HELZ: variants seen among roughly 807,000 people sequenced by gnomAD.
HELZ encodes the protein helicase with zinc finger, also known as ATP-dependent RNA helicase with zinc finger domain.
A neutral mutation model predicts 218.2 loss-of-function variants in HELZ; 23 were observed. The ratio of observed to expected loss-of-function variants is 0.11; its 90% CI spans 0.08 to 0.15. The LOEUF is 0.15. Ranked by LOEUF, HELZ falls within the 10% of genes least tolerant of loss-of-function variation. The pLI is 1.00. For synonymous variants in HELZ, 814 were observed against 829.4 expected (o/e 0.98, Z 0.32); for missense variants, 1,813 against 2,353.7 (o/e 0.77, Z 4.75).
At chr17:67,204,329 C>T (rs2040242287) in intron 5 of HELZ, among the ~76,000 whole-genome samples, 1 of 152,110 alleles carries the variant, frequency 6.6e-6, no homozygotes. Flanking sequence ...TAAAATTCTA[C>T]ATAAGAGTTC....
At chr17:67,235,885 C>CG (rs1469762495) in intron 3 of HELZ, among the ~76,000 whole-genome samples, 1 of 151,744 alleles carries the variant, frequency 6.6e-6, no homozygotes, top group African/African-American at 2.4e-5. Flanking sequence ...CTCAGACTCC[C>CG]GAGTAGCTGG....
intron 3 of HELZ, chr17:67,225,075 TGAG>T (rs2040854640): frequency 1.8e-6 from 1 of 546,476 alleles, no homozygotes; most frequent in Non-Finnish European, 3.3e-6. Context: ...AATAAAATCT[TGAG>T]TTTATGTTTA....
In HELZ at chr17:67,203,404, C is replaced by T. The variant is rs1028609596; in HGVS notation, c.287G>A (p.Arg96Gln). ...CAGCTGCATGCAGCAAAGCACTGCCCGAAAGGCATCTTCTCCCTTGGCCAG... is the reference window on the plus strand; with the variant it reads ...CAGCTGCATGCAGCAAAGCACTGCCTGAAAGGCATCTTCTCCCTTGGCCAG... ...EGLAKGEDAF[R>Q]AVLCCMQLKG... is the part of the protein sequence containing the mutation. The change falls in exon 6 of 33, where the codon CGG becomes CAG. Residue 96 changes from arginine (R) to glutamine (Q), a missense_variant. By Grantham distance (43) the Arg-to-Gln change is conservative (BLOSUM62 1). Transcript: ENST00000358691. 18 of 1,614,008 alleles carry T rather than the reference C, an allele frequency of 1.1e-5. No individual in the cohort carries two copies. Among genetic ancestry groups the T allele is most frequent in the African/African-American group, 1.3e-5 (1 of 74,914 alleles).
At chr17:67,166,725 A>C in intron 14 of HELZ, 117 bp from the exon 15 acceptor site, 3 of 775,504 alleles carry the variant, frequency 3.9e-6, no homozygotes, top group Non-Finnish European at 6.3e-6. Context: ...GATTCTTTTA[A>C]AGTATAATCA....
intron 5 of HELZ, among the ~76,000 whole-genome samples, chr17:67,214,529 G>A (rs1218886398): frequency 6.6e-6 from 1 of 150,922 alleles, no homozygotes; most frequent in Non-Finnish European, 1.5e-5. Context: ...GCCTCCCCAA[G>A]TGCTGGGATT....
rs746040938 is a variant in HELZ at position 67,086,877 on chromosome 17, T to C, written c.5446A>G (p.Ile1816Val). The change falls in exon 32 of 33, where the codon ATT becomes GTT. Residue 1816 changes from isoleucine to valine, a missense_variant. Transcript: ENST00000358691. ...GTCCTGCTGGATCCATTGCACGGAA[T>C]GTTCTGATAAGGAGTAGATGAGGTG... ...NTTSSTPYQN[I>V]PCNGSSRTAQ... 2 of 1,613,628 alleles carry C rather than the reference T, an allele frequency of 1.2e-6. No individual in the cohort carries two copies. Among genetic ancestry groups the C allele is most frequent in the Admixed American group, 1.7e-5 (1 of 59,942 alleles).
chr17:67,079,944 C>A (rs1359793339), intron 32 of HELZ, among the ~76,000 whole-genome samples: 1 of 152,092 alleles, frequency 6.6e-6, no homozygotes, highest in Admixed American at 6.5e-5. Flanking sequence ...TCATATGTTG[C>A]AAATATTTTT....
In HELZ at chr17:67,151,086, C is replaced by A. The variant is rs79989726; in HGVS notation, c.2316G>T (p.Leu772Phe). 1 of 1,613,918 alleles carries A rather than the reference C, an allele frequency of 6.2e-7. No individual in the cohort carries two copies. Among genetic ancestry groups the A allele is most frequent in the Non-Finnish European group, 8.5e-7 (1 of 1,179,882 alleles). The change falls in exon 18 of 33, where the codon TTG becomes TTT. Residue 772 changes from leucine to phenylalanine, a missense_variant. Around this residue, in one of 4 missense-constraint regions of HELZ, gnomAD observed 714 missense variants for 1,029.2 expected, o/e 0.69. Coordinates refer to ENST00000358691, the MANE Select transcript of HELZ (RefSeq NM_014877.4). ...ILKHRVVVVT[L>F]NTSQYLCQLD... ...ACTGACAGAGGTACTGGGAAGTATT[C>A]AAGGTAACAACCACCACTCGATGTT...
intron 32 of HELZ, among the ~76,000 whole-genome samples, chr17:67,085,483 G>C (rs2036340282): frequency 6.6e-6 from 1 of 151,868 alleles, no homozygotes; most frequent in Non-Finnish European, 1.5e-5. Flanking sequence ...CTCCTAAAAG[G>C]TACCAAAGAA....
rs7211384 is a variant in HELZ at position 67,132,410 on chromosome 17, G to A, written c.3183-3555C>T. Among the ~76,000 whole-genome samples the A allele has an allele frequency of 3.3e-5, 5 of 152,142 alleles. No individual in the cohort carries two copies. In the South Asian group the frequency reaches 6.2e-4, roughly 19 times the overall value. On this transcript the variant is annotated intron_variant, in intron 23 of 32. Coordinates refer to ENST00000358691, the MANE Select transcript of HELZ (RefSeq NM_014877.4). Reference sequence around the variant, plus strand: ...TCTCCTTTTAGCCTCCTGCCATTCCGTGCAGATTTATCTGAGCATATCCAT... The same window carrying A: ...TCTCCTTTTAGCCTCCTGCCATTCCATGCAGATTTATCTGAGCATATCCAT...
intron 32 of HELZ, among the ~76,000 whole-genome samples, chr17:67,081,910 CA>C (rs2036205739): frequency 1.0e-4 from 3 of 29,708 alleles, no homozygotes; most frequent in Middle Eastern, 0.034. Flanking sequence ...GCAGAGTGAT[CA>C]GAAGACCAAG....
chr17:67,113,267 T>A (rs972925665), intron 28 of HELZ, among the ~76,000 whole-genome samples: 2 of 146,516 alleles, frequency 1.4e-5, no homozygotes, highest in African/African-American at 5.0e-5. Flanking sequence ...GAGAGATTAA[T>A]TTTTTTTTTT....
intron 32 of HELZ, among the ~76,000 whole-genome samples, chr17:67,082,303 A>C (rs528286585): frequency 1.4e-4 from 22 of 152,320 alleles, no homozygotes; most frequent in Admixed American, 3.9e-4. Context: ...TAAGTAAAAA[A>C]CTGAAACCAC....
At chr17:67,245,521 G>A (rs1308131111), upstream of HELZ, 27 of 985,170 alleles carry the variant, frequency 2.7e-5, no homozygotes, top group South Asian at 9.4e-5. Flanking sequence ...TCAACCCGAG[G>A]TTTCCTTGCC....
intron 26 of HELZ, among the ~76,000 whole-genome samples, chr17:67,122,493 C>T (rs2037642069): frequency 6.6e-6 from 1 of 151,884 alleles, no homozygotes; most frequent in Admixed American, 6.6e-5. Flanking sequence ...TTGCAGTGAG[C>T]CAAGATCACG....
rs551717047 is a variant in HELZ, at chr17:67,165,622, T to C, written c.1895+856A>G. Among the ~76,000 whole-genome samples, 3 of 152,212 alleles carry C rather than the reference T, an allele frequency of 2.0e-5. No homozygotes were observed. The South Asian group carries it at 6.2e-4, about 32-fold the overall frequency. On this transcript the variant is annotated intron_variant, in intron 15 of 32. Transcript: ENST00000358691. ...CAGGTGCTAAGGGCATAAAACCCAGTGAAGAGATGAAAAGACAGATGCAGG... is the reference window on the plus strand; with the variant it reads ...CAGGTGCTAAGGGCATAAAACCCAGCGAAGAGATGAAAAGACAGATGCAGG...
chr17:67,089,584 A>C (rs973790360), intron 31 of HELZ, among the ~76,000 whole-genome samples: 1 of 150,010 alleles, frequency 6.7e-6, no homozygotes, highest in Non-Finnish European at 1.5e-5. Context: ...TTTTTATGTC[A>C]GAAAAGCAAA....
rs1481350581 is a variant in HELZ, at chr17:67,145,758, A to G, written c.2754T>C (p.Phe918=). ...ATTAAGGTACCTCTGCATTATTATAAAAAGCTGTGCTATTTTTTTCTTGTA... is the reference window on the plus strand; with the variant it reads ...ATTAAGGTACCTCTGCATTATTATAGAAAGCTGTGCTATTTTTTTCTTGTA... ...EDVQEKNSTA[F]YNNAEVFEVV... is the part of the protein sequence containing the mutation. Residue 918 remains phenylalanine (F), a synonymous_variant, in exon 21 of 33, where the codon TTT becomes TTC. Transcript: ENST00000358691. 6.2e-7 allele frequency: 1 copy of G among 1,610,126 alleles called. No individual in the cohort carries two copies. Among genetic ancestry groups the G allele is most frequent in the Admixed American group, 1.7e-5 (1 of 59,792 alleles).
intron 21 of HELZ, among the ~76,000 whole-genome samples, chr17:67,140,280 C>T (rs2038281920): frequency 1.3e-5 from 2 of 152,150 alleles, no homozygotes; most frequent in South Asian, 4.1e-4. Flanking sequence ...GAGCAAGTTC[C>T]ATGTCCTCCC....
Sources: allele counts gnomAD v4.1 joint callset (sites outside exome capture counted in the v4.1 genomes callset), GRCh38; gene constraint gnomAD v4.1.1; regional missense constraint gnomAD v4.1.1; transcripts MANE v1.5; gene names NCBI Gene and HGNC (gene_info 2026-07-23, HGNC 2026-07-21).